The following ZNF713 variants were observed in gnomAD, a reference collection of about 807,000 sequenced individuals.
ZNF713 encodes zinc finger protein 713.
Under a neutral mutation model 28.7 loss-of-function variants are expected in ZNF713, and 21 were observed. That is an observed-to-expected ratio of 0.73 (90% CI 0.52 to 1.05). The LOEUF is 1.05. ZNF713 is among the 50% of genes least tolerant of loss of function. The pLI, the probability that ZNF713 is intolerant of heterozygous loss-of-function variation, is 0.00. For missense variants in ZNF713, 458 were observed against 532.4 expected (o/e 0.86, Z 1.37); for synonymous variants, 167 against 178.0 (o/e 0.94, Z 0.49).
chr7:55,928,756 C>A (rs1356216295), intron 6 of ZNF713, among the ~76,000 whole-genome samples: 1 of 152,094 alleles, frequency 6.6e-6, no homozygotes, highest in Admixed American at 6.6e-5. Flanking sequence ...TAAACACTTC[C>A]GACAGACACA....
In ZNF713 at chr7:55,912,711, G is replaced by A. The variant is rs143004989; in HGVS notation, c.75G>A (p.Met25Ile). ...AAGAAATGAATGATGGCTCACAGAT[G>A]GTGAGATCTCAGGTAAGTTCAGTTT... ...EEEEMNDGSQ[M>I]VRSQESLTFQ... The change falls in exon 4 of 7, where the codon ATG becomes ATA. Residue 25 changes from methionine (M) to isoleucine (I), a missense_variant. Coordinates refer to ENST00000429591, the MANE Select transcript of ZNF713 (RefSeq NM_182633.3). The A allele has an allele frequency of 1.1e-4, 173 of 1,613,138 alleles. No individual in the cohort carries two copies. The African/African-American group carries it at 2.1e-3, about 19-fold the overall frequency.
chr7:55,902,775 G>A (rs565966254), intron 1 of ZNF713, among the ~76,000 whole-genome samples: 1 of 152,270 alleles, frequency 6.6e-6, no homozygotes, highest in South Asian at 2.1e-4. Flanking sequence ...TCCTAGATCA[G>A]AGAAAGAACA....
chr7:55,913,769 A>G (rs936607876), intron 4 of ZNF713, among the ~76,000 whole-genome samples: 13 of 152,128 alleles, frequency 8.5e-5, no homozygotes, highest in Admixed American at 1.3e-4. Flanking sequence ...TGAAACAGAA[A>G]CTGTTGCATT....
At chr7:55,900,731 A>G (rs1308829994) in intron 1 of ZNF713, among the ~76,000 whole-genome samples, 3 of 152,230 alleles carry the variant, frequency 2.0e-5, no homozygotes, top group Non-Finnish European at 4.4e-5. Context: ...CAAAGGGTAC[A>G]AAGTTTTAGT....
chr7:55,910,225 A>G (rs1785762232), intron 2 of ZNF713, among the ~76,000 whole-genome samples: 1 of 152,250 alleles, frequency 6.6e-6, no homozygotes, highest in Non-Finnish European at 1.5e-5. Flanking sequence ...GTATAAGATC[A>G]TGTCATTAGC....
chr7:55,889,707 G>C (rs1584291801), intron 1 of ZNF713, among the ~76,000 whole-genome samples: 1 of 151,888 alleles, frequency 6.6e-6, no homozygotes, highest in African/African-American at 2.4e-5. Flanking sequence ...CCCCAAAAAA[G>C]CAGTTTAATT....
At chr7:55,928,166 A>G (rs1584316052) in intron 6 of ZNF713, among the ~76,000 whole-genome samples, 1 of 152,130 alleles carries the variant, frequency 6.6e-6, no homozygotes, top group African/African-American at 2.4e-5. Flanking sequence ...GAAGCTGACC[A>G]AAGACGAGCA....
intron 1 of ZNF713, among the ~76,000 whole-genome samples, chr7:55,898,549 G>A (rs1785515801): frequency 6.6e-6 from 1 of 152,134 alleles, no homozygotes; most frequent in Non-Finnish European, 1.5e-5. Context: ...AGTGCCACAT[G>A]CTTTTAAGCC....
At chr7:55,892,282 A>AC (rs1785394680) in intron 1 of ZNF713, among the ~76,000 whole-genome samples, 1 of 106,180 alleles carries the variant, frequency 9.4e-6, no homozygotes, top group African/African-American at 3.2e-5. Context: ...CATCTCAAAA[A>AC]AAAAAAAAAA....
intron 1 of ZNF713, among the ~76,000 whole-genome samples, chr7:55,894,052 A>T (rs1339603746): frequency 6.6e-6 from 1 of 152,198 alleles, no homozygotes. Flanking sequence ...AACACCAGTC[A>T]TGTGGGCTTG....
chr7:55,889,073 TC>T, intron 1 of ZNF713, among the ~76,000 whole-genome samples: 1 of 149,772 alleles, frequency 6.7e-6, no homozygotes, highest in South Asian at 2.1e-4. Context: ...TTTAAGCAAA[TC>T]CCCCTTAATT....
chr7:55,898,742 T>C (rs914550309), intron 1 of ZNF713, among the ~76,000 whole-genome samples: 2 of 152,106 alleles, frequency 1.3e-5, no homozygotes, highest in African/African-American at 4.8e-5. Flanking sequence ...AACCCAATTT[T>C]AAGATGGACA....
At chr7:55,904,825 C>T (rs955961154) in intron 1 of ZNF713, among the ~76,000 whole-genome samples, 5 of 152,182 alleles carry the variant, frequency 3.3e-5, no homozygotes, top group African/African-American at 9.7e-5. Context: ...CCCCTCGGCT[C>T]AAGCATTTCT....
chr7:55,930,251 C>T (rs1319579590), intron 6 of ZNF713, among the ~76,000 whole-genome samples: 1 of 152,140 alleles, frequency 6.6e-6, no homozygotes, highest in Non-Finnish European at 1.5e-5. Context: ...TAAAGCTGCA[C>T]AAATTATATT....
chr7:55,913,547 G>T (rs1785827322), intron 4 of ZNF713, among the ~76,000 whole-genome samples: 1 of 152,138 alleles, frequency 6.6e-6, no homozygotes, highest in African/African-American at 2.4e-5. Context: ...ATGTAAACTG[G>T]TGAGTATGAA....
rs982767247 is a variant in ZNF713, at chr7:55,895,313, C to T, written c.-583+7633C>T. Reference sequence around the variant, plus strand: ...ATTAGATAGAGAGCCTAAGGGAGAACGAGGGAGCTCAGGATGCCATTCGGG... The same window carrying T: ...ATTAGATAGAGAGCCTAAGGGAGAATGAGGGAGCTCAGGATGCCATTCGGG... On this transcript the variant is annotated intron_variant, in intron 1 of 6. Coordinates refer to ENST00000429591, the MANE Select transcript of ZNF713 (RefSeq NM_182633.3). Among the ~76,000 whole-genome samples, 7 of 152,174 alleles carry T rather than the reference C, an allele frequency of 4.6e-5. No homozygotes were observed. The East Asian group carries it at 5.8e-4, about 13-fold the overall frequency.
chr7:55,915,571 G>A (rs936472033), intron 4 of ZNF713, among the ~76,000 whole-genome samples: 1 of 152,238 alleles, frequency 6.6e-6, no homozygotes, highest in African/African-American at 2.4e-5. Flanking sequence ...GTGGGGAAGT[G>A]AAATTTAAGA....
rs1165852128 is a variant in ZNF713 at position 55,941,738 on chromosome 7, A to G, written c.*1732A>G. 1.3e-5 allele frequency: 2 copies of G among 152,160 alleles called. No individual in the cohort carries two copies. Among genetic ancestry groups the G allele is most frequent in the African/African-American group, 4.8e-5 (2 of 41,530 alleles). 9.4% of individuals were successfully genotyped at this position (152,160 alleles called of 1,614,324 possible). On this transcript the variant is annotated 3_prime_UTR_variant, in exon 7 of 7. Coordinates refer to ENST00000429591, the MANE Select transcript of ZNF713 (RefSeq NM_182633.3). Reference sequence around the variant, plus strand: ...TACTCTTCATCAAAATAGATACATAACCTTGAAATTAAAAATATTCGTTGA... The same window carrying G: ...TACTCTTCATCAAAATAGATACATAGCCTTGAAATTAAAAATATTCGTTGA...
At chr7:55,923,429 G>T in intron 5 of ZNF713, 141 bp downstream of exon 5, 2 of 1,222,120 alleles carry the variant, frequency 1.6e-6, no homozygotes, top group African/African-American at 1.5e-5. Context: ...AAAGACCTTT[G>T]TTTTCTGCTC....
Sources: gnomAD v4.1 joint callset for allele counts (sites outside exome capture counted in the v4.1 genomes callset) on GRCh38, gnomAD v4.1.1 for gene constraint, MANE v1.5 for transcripts, NCBI Gene and HGNC (gene_info 2026-07-23, HGNC 2026-07-21) for gene names.